FMO5: variants seen among roughly 807,000 people sequenced by gnomAD.
FMO5 encodes flavin-containing monooxygenase 5.
In FMO5, 51 loss-of-function variants were observed where a neutral mutation model predicts 43.6. The ratio of observed to expected loss-of-function variants is 1.17; its 90% CI spans 0.93 to 1.48. The LOEUF (loss-of-function observed/expected upper bound fraction) is 1.48, where lower values mean the gene tolerates loss of function less well. FMO5 is among the 40% of genes most tolerant of loss of function. The pLI, the probability that FMO5 is intolerant of heterozygous loss-of-function variation, is 0.00. For missense variants in FMO5, 644 were observed against 643.0 expected, an observed-to-expected ratio of 1.00 and a Z score of -0.02; for synonymous variants, 187 against 216.5, an observed-to-expected ratio of 0.86 and a Z score of 1.20.
At chr1:147,195,653 A>G (rs1245540915) in intron 7 of FMO5, among the ~76,000 whole-genome samples, 1 of 152,198 alleles carries the variant, frequency 6.6e-6, no homozygotes, top group Non-Finnish European at 1.5e-5. Context: ...TTAAGCCAGT[A>G]TGAACAATGC....
At position 147,209,226 on chromosome 1, in the gene FMO5, TG is replaced by T. The variant is rs587662092; in HGVS notation, c.631-176del. Among the ~76,000 whole-genome samples the T allele has an allele frequency of 3.0e-4, 45 of 152,194 alleles. No homozygotes were observed. In the South Asian group the frequency reaches 6.4e-3, roughly 22 times the overall value. ...CGAGGTCAGGAGATCGAGACCATCC[TG>T]GCTAACACAGTGAAACCCCGTCTCT... On this transcript the variant is annotated intron_variant, in intron 5 of 8. Coordinates refer to ENST00000254090, the MANE Select transcript of FMO5 (RefSeq NM_001461.4).
downstream of FMO5, chr1:147,184,558 A>C: frequency 6.5e-7 from 1 of 1,549,132 alleles, no homozygotes; most frequent in Non-Finnish European, 8.7e-7. This position sits in a 1 kb window ranked among gnomAD's most constrained non-coding sequence, Gnocchi z 4.4. Context: ...TGATCTTGAC[A>C]GTTTTGAGGT....
At chr1:147,221,937 T>C (rs1553926360) in intron 2 of FMO5, among the ~76,000 whole-genome samples, 3 of 152,218 alleles carry the variant, frequency 2.0e-5, no homozygotes, top group Admixed American at 6.5e-5. Flanking sequence ...GGTTAGTGAG[T>C]AGAAGAAAAA....
chr1:147,216,954 A>T (rs587668053), intron 2 of FMO5, among the ~76,000 whole-genome samples: 1 of 152,062 alleles, frequency 6.6e-6, no homozygotes, highest in Non-Finnish European at 1.5e-5. Flanking sequence ...AAAACTTCCT[A>T]TTGAGGCCGG....
chr1:147,188,607 G>A (rs1253268443), intron 8 of FMO5, among the ~76,000 whole-genome samples: 1 of 150,146 alleles, frequency 6.7e-6, no homozygotes, highest in Non-Finnish European at 1.5e-5. Context: ...TGATTATGCA[G>A]ATTAAATAAA....
At chr1:147,203,632 T>C (rs1200946153) in intron 6 of FMO5, 2 of 1,282,632 alleles carry the variant, frequency 1.6e-6, no homozygotes, top group Non-Finnish European at 1.1e-6. Context: ...TAGCGTACTG[T>C]TCAAGTCCAG....
rs189432887 is a variant in FMO5, at chr1:147,222,348, A to G, written c.135+2547T>C. 1.1e-3 allele frequency among the ~76,000 whole-genome samples: 166 copies of G among 152,320 alleles called. No homozygotes were observed. The Middle Eastern group carries it at 0.024, about 22-fold the overall frequency. The stretch of plus-strand genomic sequence containing the variant: ...ACGCCACTATACTCCAGCCTGGGTA[A>G]CAGAGTGAGACTCTGCCTAAAAAGA... On this transcript the variant is annotated intron_variant, in intron 2 of 8. Coordinates refer to ENST00000254090, the MANE Select transcript of FMO5 (RefSeq NM_001461.4).
Position 147,215,814 on chromosome 1 carries a change from G to T in FMO5, c.264C>A (p.Val88=). The change falls in exon 3 of 9, where the codon GTC becomes GTA. Residue 88 remains valine, a synonymous_variant. Coordinates refer to ENST00000254090, the MANE Select transcript of FMO5 (RefSeq NM_001461.4). The part of the protein sequence containing the change: ...HYPNFMHNAQ[V]LEYFRMYAKE... ...TGGCATACATCCTGAAATACTCCAGGACCTGGGCATTATGCATGAAGTTGG... is the reference window on the plus strand; with the variant it reads ...TGGCATACATCCTGAAATACTCCAGTACCTGGGCATTATGCATGAAGTTGG... 6.2e-7 allele frequency: 1 copy of T among 1,613,774 alleles called. No homozygotes were observed. The highest frequency in any genetic ancestry group is 8.5e-7 in the Non-Finnish European group (1 of 1,179,790).
intron 2 of FMO5, among the ~76,000 whole-genome samples, chr1:147,218,690 G>T (rs1035628645): frequency 6.6e-6 from 1 of 152,020 alleles, no homozygotes; most frequent in Admixed American, 6.6e-5. Context: ...AATCTAGCCC[G>T]GTTTATCTTT....
chr1:147,196,569 T>C (rs587726930), intron 7 of FMO5, among the ~76,000 whole-genome samples: 1 of 152,188 alleles, frequency 6.6e-6, no homozygotes, highest in East Asian at 1.9e-4. Flanking sequence ...CATCTTAGTC[T>C]AGAGCTCATG....
intron 8 of FMO5, among the ~76,000 whole-genome samples, chr1:147,189,004 G>A (rs72708564): frequency 0.037 from 5,601 of 152,144 alleles, 145 homozygotes; most frequent in South Asian, 0.095. Flanking sequence ...GGCCAGGTAC[G>A]GTGGCTCATG....
chr1:147,225,242 C>A, intron 1 of FMO5, 45 bp downstream of exon 1: 1 of 1,336,856 alleles, frequency 7.5e-7, no homozygotes, highest in Non-Finnish European at 9.8e-7. Flanking sequence ...CCTGCGCCTG[C>A]AAGACCCAGA....
At chr1:147,191,394 T>C (rs1656767349) in intron 7 of FMO5, among the ~76,000 whole-genome samples, 1 of 152,180 alleles carries the variant, frequency 6.6e-6, no homozygotes, top group Non-Finnish European at 1.5e-5. Flanking sequence ...TGTGAGATGG[T>C]ATCCCATTGT....
At chr1:147,226,404 C>T (rs1390439653), upstream of FMO5, among the ~76,000 whole-genome samples, 2 of 152,070 alleles carry the variant, frequency 1.3e-5, no homozygotes, top group Non-Finnish European at 2.9e-5. Flanking sequence ...GTGGAGGAGA[C>T]CAAAACATAA....
chr1:147,204,767 C>A (rs1049708242), intron 6 of FMO5: 2 of 1,559,682 alleles, frequency 1.3e-6, no homozygotes, highest in East Asian at 4.5e-5. Context: ...TGGTTGATAA[C>A]CATTTTTTTC....
Position 147,186,840 on chromosome 1 carries a change from T to C in FMO5, c.*60A>G. The C allele has an allele frequency of 6.5e-7, 1 of 1,547,112 alleles. No individual in the cohort carries two copies. The highest frequency in any genetic ancestry group is 8.7e-7 in the Non-Finnish European group (1 of 1,149,492). On this transcript the variant is annotated 3_prime_UTR_variant, in exon 9 of 9. Coordinates refer to ENST00000254090, the MANE Select transcript of FMO5 (RefSeq NM_001461.4). ...GAAACTGAGAGTCAATCTCGTCAGA[T>C]TCTGAAGGCATCTGTAGATAAGCTT...
chr1:147,216,760 TTG>T (rs1662064067), intron 2 of FMO5, among the ~76,000 whole-genome samples: 1 of 150,272 alleles, frequency 6.7e-6, no homozygotes, highest in Admixed American at 6.6e-5. Flanking sequence ...CCTTGAGAGA[TTG>T]TGTTAGAAAT....
upstream of FMO5, chr1:147,225,361 T>C (rs888865706): frequency 1.2e-4 from 35 of 290,594 alleles, no homozygotes; most frequent in Admixed American, 1.5e-3. Context: ...GTTGTCAAAT[T>C]ACTATAAACC....
chr1:147,222,847 C>T (rs1324684047), intron 2 of FMO5, among the ~76,000 whole-genome samples: 1 of 152,066 alleles, frequency 6.6e-6, no homozygotes, highest in African/African-American at 2.4e-5. Flanking sequence ...TGATGGATGC[C>T]CTCCCAACCT....
Sources: allele counts gnomAD v4.1 joint callset (sites outside exome capture counted in the v4.1 genomes callset), GRCh38; gene constraint gnomAD v4.1.1; non-coding constraint Gnocchi (gnomAD v3.1); transcripts MANE v1.5; gene names NCBI Gene and HGNC (gene_info 2026-07-23, HGNC 2026-07-21).